Variants in NUP98 observed in about 807,000 individuals in gnomAD.
The protein encoded by NUP98 is nuclear pore complex protein Nup98-Nup96.
Under a neutral mutation model 191.9 loss-of-function variants are expected in NUP98, and 26 were observed. The observed-to-expected ratio is 0.14, with a 90% CI of 0.10 to 0.19. The LOEUF (loss-of-function observed/expected upper bound fraction) is 0.19, where lower values mean the gene tolerates loss of function less well. NUP98 is among the 10% of genes least tolerant of loss of function. The pLI, the probability that NUP98 is intolerant of heterozygous loss-of-function variation, is 1.00. For synonymous variants in NUP98, 808 were observed against 778.4 expected (o/e 1.04, Z -0.63); for missense variants, 1,941 against 2,178.8 (o/e 0.89, Z 2.17).
intron 19 of NUP98, 102 bp from the exon 20 acceptor site, chr11:3,712,830 G>A: frequency 2.4e-6 from 3 of 1,232,870 alleles, no homozygotes; most frequent in Non-Finnish European, 3.4e-6. Context: ...AGAAAGAAAA[G>A]GGGAGAAATA....
At position 3,675,952 on chromosome 11, in the gene NUP98, T is replaced by C. The variant is rs1372287490; in HGVS notation, c.*207A>G. On this transcript the variant is annotated 3_prime_UTR_variant, in exon 33 of 33. Coordinates refer to ENST00000324932, the MANE Select transcript of NUP98 (RefSeq NM_016320.5). Reference sequence around the variant, plus strand: ...ATGATCTTGAGGATGGTAAACTGTCTCCTCTTCTGGGTTCCAGAAGCCCTT... The same window carrying C: ...ATGATCTTGAGGATGGTAAACTGTCCCCTCTTCTGGGTTCCAGAAGCCCTT... 1.7e-6 allele frequency: 1 copy of C among 585,116 alleles called. No individual in the cohort carries two copies. The highest frequency in any genetic ancestry group is 3.0e-6 in the Non-Finnish European group (1 of 329,076). The allele number at this position is 585,116 out of a possible 1,614,324, so 36.2% of individuals were successfully genotyped here. A position where few individuals can be genotyped will look rare whatever the true frequency, so the allele number is the denominator to read the frequency against.
chr11:3,797,238 C>T (rs1590021101), intron 1 of NUP98, among the ~76,000 whole-genome samples, 162 bp downstream of exon 1: 2 of 152,280 alleles, frequency 1.3e-5, no homozygotes, highest in Admixed American at 6.5e-5. Context: ...GGGCTCCGGG[C>T]CCCCGGGTCC....
rs909442161 is a variant in NUP98, at chr11:3,775,489, T to C, written c.495+393A>G. Among the ~76,000 whole-genome samples the C allele has an allele frequency of 8.6e-5, 13 of 151,640 alleles. 1 individual carries two copies. Among genetic ancestry groups the C allele is most frequent in the South Asian group, 4.2e-4 (2 of 4,790 alleles). Reference sequence around the variant, plus strand: ...AGGTAGAGGTTGCAGTGAGCTGAGATTGCACCACCACACTCCAGCCTGGGC... The same window carrying C: ...AGGTAGAGGTTGCAGTGAGCTGAGACTGCACCACCACACTCCAGCCTGGGC... On this transcript the variant is annotated intron_variant, in intron 5 of 32. Transcript: ENST00000324932.
chr11:3,769,278 T>C (rs2081439057), intron 7 of NUP98, among the ~76,000 whole-genome samples: 1 of 151,998 alleles, frequency 6.6e-6, no homozygotes, highest in Admixed American at 6.6e-5. Flanking sequence ...ATTTTAAAAA[T>C]TAGTCAGGCT....
chr11:3,763,419 C>A lies in NUP98; in HGVS notation c.949-380G>T, dbSNP rs79744003. 1.0e-2 allele frequency among the ~76,000 whole-genome samples: 1,516 copies of A among 152,238 alleles called. 27 individuals carry two copies. The highest frequency in any genetic ancestry group is 0.035 in the African/African-American group (1,457 of 41,536). ...AACACTGAGAAGCAAAATAGTATGT[C>A]TAGGTCCTTCATTTTCAACGATTTA... is the stretch of plus-strand genomic sequence containing the variant. On this transcript the variant is annotated intron_variant, in intron 8 of 32. Transcript: ENST00000324932.
At chr11:3,773,083 T>C (rs1349668422) in intron 6 of NUP98, among the ~76,000 whole-genome samples, 1 of 152,012 alleles carries the variant, frequency 6.6e-6, no homozygotes, top group Non-Finnish European at 1.5e-5. Context: ...CATTGCCCAG[T>C]GTAACAGAAG....
intron 30 of NUP98, among the ~76,000 whole-genome samples, chr11:3,680,807 C>A (rs1031684065): frequency 6.6e-6 from 1 of 152,182 alleles, no homozygotes. Context: ...CTTGGCCCCC[C>A]AAAGTGCTGG....
At chr11:3,773,036 T>C (rs926822312) in intron 6 of NUP98, among the ~76,000 whole-genome samples, 2 of 152,052 alleles carry the variant, frequency 1.3e-5, no homozygotes, top group African/African-American at 4.8e-5. Context: ...GTACTTTGCA[T>C]AATTTTACTA....
At chr11:3,783,111 C>T (rs945024525) in intron 1 of NUP98, among the ~76,000 whole-genome samples, 7 of 152,124 alleles carry the variant, frequency 4.6e-5, no homozygotes, top group Non-Finnish European at 8.8e-5. Flanking sequence ...TCACCTCTGG[C>T]CAGGCACAGT....
chr11:3,686,681 C>T (rs2078142934), intron 28 of NUP98, among the ~76,000 whole-genome samples: 1 of 152,142 alleles, frequency 6.6e-6, no homozygotes. Context: ...AAACCACCAT[C>T]ACGATCAAGA....
intron 22 of NUP98, among the ~76,000 whole-genome samples, chr11:3,704,918 A>C (rs1293193817): frequency 6.6e-6 from 1 of 152,250 alleles, no homozygotes; most frequent in Admixed American, 6.5e-5. Flanking sequence ...CTGAGACAGG[A>C]GGACTGCTTG....
rs544567161 is a variant in NUP98, at chr11:3,766,689, C to CAAAA, written c.948+1888_948+1891dup. ...GGGCGACAACAGTGAAACTCCGTCT[C>CAAAA]AAAAAAAAAAAAAAAAAAAAAGAGA... is the stretch of plus-strand genomic sequence containing the variant. On this transcript the variant is annotated intron_variant, in intron 8 of 32. Transcript: ENST00000324932. Among the ~76,000 whole-genome samples, 59 of 58,850 alleles carry CAAAA rather than the reference C, an allele frequency of 1.0e-3. 2 individuals carry two copies. The East Asian group carries it at 0.026, about 26-fold the overall frequency. The allele number at this position is 58,850 out of a possible 152,430, so 38.6% of individuals were successfully genotyped here. A position where few individuals can be genotyped will look rare whatever the true frequency, so the allele number is the denominator to read the frequency against.
At chr11:3,772,660 C>T (rs912563210) in intron 6 of NUP98, among the ~76,000 whole-genome samples, 2 of 151,944 alleles carry the variant, frequency 1.3e-5, no homozygotes, top group African/African-American at 4.8e-5. Context: ...ACTAAAAATA[C>T]AAAAATTAGC....
At chr11:3,790,732 T>G (rs2082306136) in intron 1 of NUP98, among the ~76,000 whole-genome samples, 1 of 152,150 alleles carries the variant, frequency 6.6e-6, no homozygotes, top group Non-Finnish European at 1.5e-5. Flanking sequence ...CAAAAATTAT[T>G]AGTTGTATTA....
intron 11 of NUP98, 135 bp from the exon 12 acceptor site, chr11:3,744,784 G>GTA (rs1192190024): frequency 6.4e-6 from 6 of 940,044 alleles, no homozygotes; most frequent in African/African-American, 5.0e-5. Context: ...GGTGAATACG[G>GTA]TAAGTGTTAC....
chr11:3,772,395 G>A (rs1050772771), intron 6 of NUP98, among the ~76,000 whole-genome samples: 2 of 152,184 alleles, frequency 1.3e-5, no homozygotes, highest in South Asian at 4.1e-4. Flanking sequence ...GTAGAAAGAA[G>A]CAATCACTAT....
intron 27 of NUP98, among the ~76,000 whole-genome samples, chr11:3,692,514 C>A (rs533868194): frequency 6.6e-6 from 1 of 151,790 alleles, no homozygotes; most frequent in African/African-American, 2.4e-5. Flanking sequence ...GTAGTCCCAG[C>A]TACCCGGGAG....
chr11:3,768,456 A>G (rs953015259), intron 8 of NUP98, 125 bp downstream of exon 8: 2 of 882,360 alleles, frequency 2.3e-6, no homozygotes, highest in Admixed American at 5.8e-5. Context: ...TCTTCCCTTC[A>G]TTAAATACCC....
rs55821497 is a variant in NUP98 at position 3,720,832 on chromosome 11, C to CAAAAAAAAAAAAAAAAAA, written c.2147-8_2147-7insTTTTTTTTTTTTTTTTTT. 45 of 376,192 alleles carry CAAAAAAAAAAAAAAAAAA rather than the reference C, an allele frequency of 1.2e-4. No homozygotes were observed. The highest frequency in any genetic ancestry group is 9.0e-4 in the South Asian group (20 of 22,214). The allele number at this position is 376,192 out of a possible 1,614,324, so 23.3% of individuals were successfully genotyped here. A position where few individuals can be genotyped will look rare whatever the true frequency, so the allele number is the denominator to read the frequency against. ...ACCTTAGTGAGAATAATACCTGTGACAAAAAAAAAAAAAAAAACAGAAAAA... is the reference window on the plus strand; with the variant it reads ...ACCTTAGTGAGAATAATACCTGTGACAAAAAAAAAAAAAAAAAAAAAAAAAAAAAAAAAAACAGAAAAA... On this transcript the variant is annotated splice_polypyrimidine_tract_variant and splice_region_variant and intron_variant, in intron 16 of 32. Coordinates refer to ENST00000324932, the MANE Select transcript of NUP98 (RefSeq NM_016320.5).
Sources: gnomAD v4.1 joint callset for allele counts (sites outside exome capture counted in the v4.1 genomes callset) on GRCh38, gnomAD v4.1.1 for gene constraint, MANE v1.5 for transcripts, NCBI Gene and HGNC (gene_info 2026-07-23, HGNC 2026-07-21) for gene names.